Variants in TNNT3 observed in about 807,000 individuals in gnomAD.
The protein encoded by TNNT3 is troponin T3, fast skeletal type.
A neutral mutation model predicts 54.2 loss-of-function variants in TNNT3; 36 were observed. The observed-to-expected ratio is 0.66, with a 90% CI of 0.51 to 0.88. The LOEUF (loss-of-function observed/expected upper bound fraction) is 0.88, where lower values mean the gene tolerates loss of function less well. Ranked by LOEUF, TNNT3 falls within the 40% of genes least tolerant of loss-of-function variation. The pLI is 0.00. For missense variants in TNNT3, 291 were observed against 331.6 expected (o/e 0.88, Z 0.95); for synonymous variants, 120 against 109.7 (o/e 1.09, Z -0.59).
chr11:1,923,721 C>A, intron 4 of TNNT3, 149 bp downstream of exon 4: 1 of 665,850 alleles, frequency 1.5e-6, no homozygotes, highest in South Asian at 1.6e-5. Context: ...CATCATTAGT[C>A]ACTAACAATC....
chr11:1,933,487 C>T (rs1854034582), intron 9 of TNNT3, among the ~76,000 whole-genome samples: 1 of 152,242 alleles, frequency 6.6e-6, no homozygotes, highest in African/African-American at 2.4e-5. Context: ...TGGCTGGGCA[C>T]CATCCCTGCT....
chr11:1,929,215 TG>T, intron 7 of TNNT3, 72 bp downstream of exon 7: 2 of 1,559,760 alleles, frequency 1.3e-6, no homozygotes, highest in Non-Finnish European at 8.8e-7. Context: ...GAGGACAGGC[TG>T]GGGTCTCTCG....
chr11:1,922,922 C>G (rs537043308), intron 2 of TNNT3, 31 bp downstream of exon 2: 7 of 1,613,834 alleles, frequency 4.3e-6, no homozygotes, highest in African/African-American at 4.0e-5. Context: ...TGCCCCCTGC[C>G]TGGCTCGGGA....
intron 14 of TNNT3, chr11:1,936,126 A>G: frequency 1.4e-6 from 2 of 1,455,466 alleles, no homozygotes; most frequent in Non-Finnish European, 1.9e-6. Context: ...CAGAGCCTGG[A>G]GGGCCATCAC....
At chr11:1,923,190 C>A in intron 3 of TNNT3, 129 bp downstream of exon 3, 1 of 1,340,838 alleles carries the variant, frequency 7.5e-7, no homozygotes, top group Non-Finnish European at 1.1e-6. Context: ...CCATGGGTGG[C>A]TTCTGAGTGA....
At chr11:1,925,013 C>G (rs372516091) in intron 4 of TNNT3, 86 bp from the exon 5 acceptor site, 60 of 1,514,256 alleles carry the variant, frequency 4.0e-5, no homozygotes, top group Non-Finnish European at 5.5e-5. Flanking sequence ...CCTGTCCTTG[C>G]GGCCTGAGTA....
At position 1,938,479 on chromosome 11, in the gene TNNT3, G is replaced by A. The variant is rs970702029; in HGVS notation, c.764G>A (p.Gly255Glu). ...AGTPAKGKVG[G>E]RWK ...ACCCCAGCCAAGGGCAAAGTCGGCGGGCGCTGGAAGTAGAGAGGCCAGAAA... is the reference window on the plus strand; with the variant it reads ...ACCCCAGCCAAGGGCAAAGTCGGCGAGCGCTGGAAGTAGAGAGGCCAGAAA... The change falls in exon 16 of 16, where the codon GGG becomes GAG. Residue 255 changes from glycine to glutamate, a missense_variant. By Grantham distance (98) the Gly-to-Glu change is moderately conservative. Transcript: ENST00000278317. The A allele has an allele frequency of 6.2e-7, 1 of 1,613,214 alleles. No homozygotes were observed. The highest frequency in any genetic ancestry group is 8.5e-7 in the Non-Finnish European group (1 of 1,179,918).
At chr11:1,929,892 G>C in intron 8 of TNNT3, 64 bp downstream of exon 8, 1 of 1,537,266 alleles carries the variant, frequency 6.5e-7, no homozygotes, top group South Asian at 1.2e-5. Context: ...GGTCAAGTGA[G>C]TGTGGGGTCC....
At position 1,922,382 on chromosome 11, in the gene TNNT3, AG is replaced by A. The variant is rs1439075871; in HGVS notation, c.-18-471del. Among the ~76,000 whole-genome samples, 3 of 152,208 alleles carry A rather than the reference AG, an allele frequency of 2.0e-5. No individual in the cohort carries two copies. The East Asian group carries it at 5.8e-4, about 29-fold the overall frequency. On this transcript the variant is annotated intron_variant, in intron 1 of 15. Transcript: ENST00000278317. ...CTTGGGGAGCCAGTCTCGGTCATCC[AG>A]GGGCTCCCAGGGAGACCCCACCTAC...
intron 14 of TNNT3, among the ~76,000 whole-genome samples, chr11:1,936,558 C>T (rs1417156396): frequency 1.3e-5 from 2 of 152,202 alleles, no homozygotes; most frequent in Non-Finnish European, 1.5e-5. Flanking sequence ...GCAGCAGGGC[C>T]GTTCGGAGCT....
intron 7 of TNNT3, 49 bp from the exon 8 acceptor site, chr11:1,929,761 T>A: frequency 6.4e-7 from 1 of 1,550,544 alleles, no homozygotes. Flanking sequence ...TCTCTCTCCC[T>A]CTCCCCACGC....
chr11:1,934,335 G>A lies in TNNT3; in HGVS notation c.370G>A (p.Glu124Lys), dbSNP rs761936688. Residue 124 changes from glutamate (E) to lysine (K), a missense_variant, in exon 12 of 16, where the codon GAA becomes AAA. Coordinates refer to ENST00000278317, the MANE Select transcript of TNNT3 (RefSeq NM_006757.4). ...CTTGGGAATGGGGTCTCCACAGGAG[G>A]AAAAGGCCAGAAGGGAGGAGGAGGA... ...ERERQNRLAEEKARREEEDAK... is the reference protein window; with the variant it reads ...ERERQNRLAEKKARREEEDAK... The A allele has an allele frequency of 2.2e-5, 35 of 1,613,728 alleles. No homozygotes were observed. The highest frequency in any genetic ancestry group is 2.8e-5 in the Non-Finnish European group (33 of 1,179,888).
At chr11:1,937,068 C>T in intron 15 of TNNT3, 65 bp downstream of exon 15, 1 of 1,518,252 alleles carries the variant, frequency 6.6e-7, no homozygotes, top group Non-Finnish European at 8.9e-7. Context: ...GCCGCTGTAG[C>T]CAGTCCCTAA....
intron 9 of TNNT3, 140 bp from the exon 10 acceptor site, chr11:1,933,581 A>T: frequency 2.8e-6 from 2 of 722,972 alleles, no homozygotes; most frequent in Admixed American, 2.1e-5. Context: ...ATTCCTTGCC[A>T]CTTGCCATTT....
intron 15 of TNNT3, among the ~76,000 whole-genome samples, chr11:1,937,267 G>T (rs1216698754): frequency 2.0e-5 from 3 of 152,076 alleles, no homozygotes; most frequent in Non-Finnish European, 4.4e-5. Flanking sequence ...TCACGCCCTC[G>T]CCCCGAGTCT....
Position 1,924,503 on chromosome 11 carries a change from C to G in TNNT3, c.50-596C>G, listed in dbSNP as rs566950235. 2.6e-5 allele frequency among the ~76,000 whole-genome samples: 4 copies of G among 152,338 alleles called. No individual in the cohort carries two copies. The South Asian group carries it at 8.3e-4, about 32-fold the overall frequency. On this transcript the variant is annotated intron_variant, in intron 4 of 15. Coordinates refer to ENST00000278317, the MANE Select transcript of TNNT3 (RefSeq NM_006757.4). ...AAAATATTTTGAAAACACTTGGCTA[C>G]CCTAACAACGTGAGCAAAACATTTA...
chr11:1,921,595 T>C (rs559033688), intron 1 of TNNT3: 6 of 152,220 alleles, frequency 3.9e-5, no homozygotes, highest in Non-Finnish European at 8.8e-5. Context: ...CTACCCCCGT[T>C]GCCTGGAAGA....
chr11:1,938,227 A>C, intron 15 of TNNT3: 1 of 612,276 alleles, frequency 1.6e-6, no homozygotes, highest in South Asian at 1.9e-5. Flanking sequence ...CTCACGTGCC[A>C]GCCCCCTAAC....
intron 9 of TNNT3, 78 bp downstream of exon 9, chr11:1,932,592 C>A: frequency 1.4e-6 from 2 of 1,451,264 alleles, no homozygotes; most frequent in South Asian, 2.3e-5. Context: ...CTCAGAAGGT[C>A]ACTTCCTCCC....
Sources: allele counts gnomAD v4.1 joint callset (sites outside exome capture counted in the v4.1 genomes callset), GRCh38; gene constraint gnomAD v4.1.1; transcripts MANE v1.5; gene names NCBI Gene and HGNC (gene_info 2026-07-23, HGNC 2026-07-21).